The following MTA1 variants were observed in gnomAD, a reference collection of about 807,000 sequenced individuals.
MTA1 encodes the protein metastasis-associated protein MTA1.
In MTA1, 15 loss-of-function variants were observed where a neutral mutation model predicts 97.0. The observed-to-expected ratio is 0.15, with a 90% CI of 0.10 to 0.24. MTA1 has a LOEUF of 0.24. Ranked by LOEUF, MTA1 falls within the 10% of genes least tolerant of loss-of-function variation. MTA1 has a pLI of 1.00. For missense variants in MTA1, 709 were observed against 1,015.1 expected, an observed-to-expected ratio of 0.70 and a Z score of 4.10; for synonymous variants, 435 against 417.5, an observed-to-expected ratio of 1.04 and a Z score of -0.51.
At position 105,464,492 on chromosome 14, in the gene MTA1, T is replaced by C. The variant is rs782418672; in HGVS notation, c.1269T>C (p.Tyr423=). Residue 423 remains tyrosine (Y), a synonymous_variant, in exon 14 of 21, where the codon TAT becomes TAC. Transcript: ENST00000331320. ...QCRLCASCWT[Y]WKKYGGLKMP... Reference sequence around the variant, plus strand: ...GTCTCTGCGCATCTTGTTGGACATATTGGAAGAAATATGGTGGCTTGAAAA... The same window carrying C: ...GTCTCTGCGCATCTTGTTGGACATACTGGAAGAAATATGGTGGCTTGAAAA... 19 of 1,613,408 alleles carry C rather than the reference T, an allele frequency of 1.2e-5. No individual in the cohort carries two copies. The highest frequency in any genetic ancestry group is 4.5e-5 in the East Asian group (2 of 44,886).
intron 2 of MTA1, among the ~76,000 whole-genome samples, chr14:105,440,974 C>T (rs2082491917): frequency 6.6e-6 from 1 of 152,206 alleles, no homozygotes; most frequent in African/African-American, 2.4e-5. Context: ...AGAGGCGGTG[C>T]CACTGGGAGG....
intron 2 of MTA1, among the ~76,000 whole-genome samples, chr14:105,444,502 A>G (rs2082649083): frequency 6.6e-6 from 1 of 152,266 alleles, no homozygotes; most frequent in Non-Finnish European, 1.5e-5. Flanking sequence ...AAAATTAAAA[A>G]GTTAGGTGAG....
chr14:105,458,204 G>T, intron 7 of MTA1, 66 bp from the exon 8 acceptor site: 1 of 1,415,434 alleles, frequency 7.1e-7, no homozygotes, highest in Non-Finnish European at 9.9e-7. Context: ...CGCACCCGGG[G>T]AGGAGAGGCG....
chr14:105,465,242 A>G, intron 16 of MTA1, 59 bp downstream of exon 16: 3 of 1,404,838 alleles, frequency 2.1e-6, no homozygotes, highest in Non-Finnish European at 2.9e-6. Context: ...CTTCTCACCC[A>G]AGCTCATGCA....
intron 8 of MTA1, among the ~76,000 whole-genome samples, chr14:105,458,733 T>A (rs587705766): frequency 6.6e-6 from 1 of 152,274 alleles, no homozygotes; most frequent in East Asian, 1.9e-4. Context: ...GGCAGACCCC[T>A]GGGGCAGGGC....
intron 1 of MTA1, among the ~76,000 whole-genome samples, chr14:105,423,979 C>T (rs587641674): frequency 6.6e-6 from 1 of 152,360 alleles, no homozygotes; most frequent in South Asian, 2.1e-4. Context: ...CAGGGAAGAG[C>T]CCTGGAGACA....
chr14:105,421,345 C>T (rs2081828618), intron 1 of MTA1, among the ~76,000 whole-genome samples: 2 of 152,306 alleles, frequency 1.3e-5, no homozygotes, highest in South Asian at 2.1e-4. Context: ...GGGCCTGTTC[C>T]TTCCTGTTCT....
chr14:105,467,599 CT>C, intron 18 of MTA1: 1 of 403,422 alleles, frequency 2.5e-6, no homozygotes, highest in South Asian at 1.8e-5. Flanking sequence ...ACACGCACCC[CT>C]GGCCTGTCCT....
intron 1 of MTA1, among the ~76,000 whole-genome samples, chr14:105,428,371 G>A (rs1326089074): frequency 6.6e-6 from 1 of 151,874 alleles, no homozygotes; most frequent in African/African-American, 2.4e-5. Context: ...ACTCACTGCA[G>A]CCTCCACCTC....
At chr14:105,455,057 C>T (rs1555429575) in intron 7 of MTA1, among the ~76,000 whole-genome samples, 1 of 152,082 alleles carries the variant, frequency 6.6e-6, no homozygotes. Context: ...AGGGGCACCA[C>T]CACACCCCCC....
intron 10 of MTA1, among the ~76,000 whole-genome samples, chr14:105,462,425 C>T (rs587767316): frequency 6.6e-6 from 1 of 152,018 alleles, no homozygotes; most frequent in Non-Finnish European, 1.5e-5. Flanking sequence ...AAAAATTAGT[C>T]GGGCATGGTG....
Position 105,470,634 on chromosome 14 carries a change from CG to C in MTA1, c.*420del, listed in dbSNP as rs2083802194. ...TTAGGATCGTGCGGCCGCGGCCGGCCGAGCTGCCTGGCGGGGTTGGCCCTTG... is the reference window on the plus strand; with the variant it reads ...TTAGGATCGTGCGGCCGCGGCCGGCCAGCTGCCTGGCGGGGTTGGCCCTTG... On this transcript the variant is annotated 3_prime_UTR_variant, in exon 21 of 21. Transcript: ENST00000331320. 9 of 164,780 alleles carry C rather than the reference CG, an allele frequency of 5.5e-5. No individual in the cohort carries two copies. Among genetic ancestry groups the C allele is most frequent in the Non-Finnish European group, 2.6e-5 (2 of 77,028 alleles). 10.2% of individuals were successfully genotyped at this position (164,780 alleles called of 1,614,324 possible).
intron 7 of MTA1, among the ~76,000 whole-genome samples, chr14:105,456,138 G>A (rs2083143071): frequency 6.6e-6 from 1 of 152,256 alleles, no homozygotes; most frequent in Non-Finnish European, 1.5e-5. Flanking sequence ...CTCCCAGCCT[G>A]GGGCTGTCTT....
Position 105,463,389 on chromosome 14 carries a change from GTCCTCTCCGTGGTGCTC to G in MTA1, c.1018-93_1018-77del. On this transcript the variant is annotated intron_variant, in intron 11 of 20. Coordinates refer to ENST00000331320, the MANE Select transcript of MTA1 (RefSeq NM_004689.4). The surrounding 1 kb of genome is among the most constrained non-coding windows in gnomAD (Gnocchi z 5.9). Reference sequence around the variant, plus strand: ...AGACTCCTGAGTCCCTGGCCCGGCTGTCCTCTCCGTGGTGCTCTCCTCTCCGTAGCCTCCAGCCTGTC... The same window carrying G: ...AGACTCCTGAGTCCCTGGCCCGGCTGTCCTCTCCGTAGCCTCCAGCCTGTC... The G allele has an allele frequency of 1.3e-6, 2 of 1,502,802 alleles. No homozygotes were observed. The highest frequency in any genetic ancestry group is 2.3e-5 in the South Asian group (2 of 88,126). The allele number at this position is 1,502,802 out of a possible 1,614,324, so 93.1% of individuals were successfully genotyped here.
At chr14:105,454,539 C>A (rs2083069041) in intron 7 of MTA1, 1 of 459,538 alleles carries the variant, frequency 2.2e-6, no homozygotes, top group South Asian at 2.4e-5. Context: ...AAGCCTCAGA[C>A]CCTCAGGCAG....
rs1555434254 is a variant in MTA1, at chr14:105,470,241, C to G, written c.*26C>G. The G allele has an allele frequency of 6.8e-7, 1 of 1,473,786 alleles. No individual in the cohort carries two copies. The highest frequency in any genetic ancestry group is 2.6e-5 in the East Asian group (1 of 37,852). 91.3% of individuals were successfully genotyped at this position (1,473,786 alleles called of 1,614,324 possible). A position where few individuals can be genotyped will look rare whatever the true frequency, so the allele number is the denominator to read the frequency against. ...GGGCCGCCCCCACCTGCGGCCGCCC[C>G]CCGCCCCTCGCCCGCCCACACGGCC... is the stretch of plus-strand genomic sequence containing the variant. On this transcript the variant is annotated 3_prime_UTR_variant, in exon 21 of 21. Coordinates refer to ENST00000331320, the MANE Select transcript of MTA1 (RefSeq NM_004689.4).
Position 105,463,157 on chromosome 14 carries a change from T to C in MTA1, c.943-27T>C. On this transcript the variant is annotated intron_variant, in intron 10 of 20. Transcript: ENST00000331320. The surrounding 1 kb of genome is among the most constrained non-coding windows in gnomAD (Gnocchi z 5.9). ...GTGCCTGCCTCCTGCCCCTTCCTGCTTGTGTGACACGCCTCCTCCCACCCA... is the reference window on the plus strand; with the variant it reads ...GTGCCTGCCTCCTGCCCCTTCCTGCCTGTGTGACACGCCTCCTCCCACCCA... 6.2e-7 allele frequency: 1 copy of C among 1,608,232 alleles called. No individual in the cohort carries two copies. The highest frequency in any genetic ancestry group is 8.5e-7 in the Non-Finnish European group (1 of 1,178,150).
chr14:105,445,680 C>T (rs2082694499), intron 3 of MTA1, 169 bp downstream of exon 3: 2 of 757,662 alleles, frequency 2.6e-6, no homozygotes, highest in Non-Finnish European at 4.7e-6. Context: ...GCGGGGGTGT[C>T]CTGGCTCCGT....
rs1220711214 is a variant in MTA1, at chr14:105,420,458, TCCCCCGG to T, written c.28+399_28+405del. ...GCAGGAGTTTTGGGGCTGTGGGGTCTCCCCCGGCCCGCGGCCCTGTGCTGGGACTCCG... is the reference window on the plus strand; with the variant it reads ...GCAGGAGTTTTGGGGCTGTGGGGTCTCCCGCGGCCCTGTGCTGGGACTCCG... On this transcript the variant is annotated intron_variant, in intron 1 of 20. Coordinates refer to ENST00000331320, the MANE Select transcript of MTA1 (RefSeq NM_004689.4). The surrounding 1 kb of genome is among the most constrained non-coding windows in gnomAD (Gnocchi z 5.3). Among the ~76,000 whole-genome samples, 2 of 151,826 alleles carry T rather than the reference TCCCCCGG, an allele frequency of 1.3e-5. No individual in the cohort carries two copies. The highest frequency in any genetic ancestry group is 2.9e-5 in the Non-Finnish European group (2 of 67,890).
Sources: allele counts gnomAD v4.1 joint callset (sites outside exome capture counted in the v4.1 genomes callset), GRCh38; gene constraint gnomAD v4.1.1; non-coding constraint Gnocchi (gnomAD v3.1); transcripts MANE v1.5; gene names NCBI Gene and HGNC (gene_info 2026-07-23, HGNC 2026-07-21).